The following CNBD1 variants were observed in gnomAD, a reference collection of about 807,000 sequenced individuals.
The protein encoded by CNBD1 is cyclic nucleotide binding domain containing 1, also known as cyclic nucleotide-binding domain-containing protein 1.
Under a neutral mutation model 54.4 loss-of-function variants are expected in CNBD1, and 71 were observed. That is an observed-to-expected ratio of 1.30 (90% confidence interval 1.08 to 1.59). The LOEUF (loss-of-function observed/expected upper bound fraction) is 1.59, where lower values mean the gene tolerates loss of function less well. Ranked by LOEUF, CNBD1 falls within the 40% of genes most tolerant of loss-of-function variation. The pLI, the probability that CNBD1 is intolerant of heterozygous loss-of-function variation, is 0.00. For missense variants in CNBD1, 659 were observed against 518.0 expected (o/e 1.27, Z -2.64); for synonymous variants, 182 against 170.7 (o/e 1.07, Z -0.51).
chr8:87,421,106 T>C (rs938570713), intron 2 of CNBD1, among the ~76,000 whole-genome samples: 2 of 152,042 alleles, frequency 1.3e-5, no homozygotes, highest in Non-Finnish European at 2.9e-5. Flanking sequence ...ATTTTTTCAA[T>C]ATAGTTTGGG....
chr8:86,945,930 C>T (rs562371011), intron 4 of CNBD1, among the ~76,000 whole-genome samples: 6 of 152,294 alleles, frequency 3.9e-5, no homozygotes, highest in Non-Finnish European at 8.8e-5. Context: ...TTGCAAAATG[C>T]CTGGCCTGCA....
At chr8:86,953,726 G>A (rs753455632) in intron 4 of CNBD1, among the ~76,000 whole-genome samples, 2 of 152,048 alleles carry the variant, frequency 1.3e-5, no homozygotes, top group Admixed American at 6.6e-5. Flanking sequence ...AATTAGCCAG[G>A]CATGATGGTG....
chr8:87,317,053 A>C (rs1027116013), intron 8 of CNBD1, among the ~76,000 whole-genome samples: 1 of 151,818 alleles, frequency 6.6e-6, no homozygotes, highest in Non-Finnish European at 1.5e-5. Flanking sequence ...GGGGATAATA[A>C]TGATACTTAT....
intron 2 of CNBD1, among the ~76,000 whole-genome samples, chr8:87,420,684 T>G (rs75620014): frequency 0.013 from 1,986 of 152,216 alleles, 26 homozygotes; most frequent in South Asian, 0.042. Context: ...AAATATAATG[T>G]AATAATAATG....
chr8:87,012,391 T>A (rs1258148933), intron 4 of CNBD1, among the ~76,000 whole-genome samples: 1 of 152,154 alleles, frequency 6.6e-6, no homozygotes, highest in Non-Finnish European at 1.5e-5. Flanking sequence ...CCCTATATAT[T>A]TTGACTTACT....
chr8:87,210,222 C>A (rs1318791602), intron 5 of CNBD1, among the ~76,000 whole-genome samples: 1 of 152,058 alleles, frequency 6.6e-6, no homozygotes, highest in Non-Finnish European at 1.5e-5. Context: ...GATAAGGGAG[C>A]AAAGAAATGA....
intron 4 of CNBD1, among the ~76,000 whole-genome samples, chr8:87,074,411 C>T (rs1175235343): frequency 6.6e-6 from 1 of 152,138 alleles, no homozygotes; most frequent in Non-Finnish European, 1.5e-5. Context: ...CTGGATTCTT[C>T]CCCATTCCTA....
At chr8:87,206,377 A>T (rs193088730) in intron 5 of CNBD1, among the ~76,000 whole-genome samples, 4 of 152,268 alleles carry the variant, frequency 2.6e-5, no homozygotes, top group Admixed American at 2.0e-4. Context: ...ATGACTCAGA[A>T]TTACCCAGTG....
intron 4 of CNBD1, among the ~76,000 whole-genome samples, chr8:86,950,400 A>G (rs1807588037): frequency 6.6e-6 from 1 of 152,080 alleles, no homozygotes; most frequent in African/African-American, 2.4e-5. Flanking sequence ...AATTAAAACA[A>G]TTATATGATT....
intron 4 of CNBD1, among the ~76,000 whole-genome samples, chr8:87,185,611 A>T (rs147123553): frequency 6.6e-6 from 1 of 152,168 alleles, no homozygotes; most frequent in East Asian, 1.9e-4. Context: ...GTGAATTATA[A>T]GGTTTCTACT....
chr8:87,074,657 G>A (rs897503987), intron 4 of CNBD1, among the ~76,000 whole-genome samples: 6 of 152,146 alleles, frequency 3.9e-5, no homozygotes, highest in African/African-American at 1.4e-4. Flanking sequence ...ATCACCTGCT[G>A]CTTCCCTTGG....
At chr8:86,968,285 C>T (rs1586169919) in intron 4 of CNBD1, among the ~76,000 whole-genome samples, 1 of 152,070 alleles carries the variant, frequency 6.6e-6, no homozygotes, top group African/African-American at 2.4e-5. Context: ...AAGGATTTTT[C>T]TCCTATACTC....
chr8:87,206,066 C>T lies in CNBD1; in HGVS notation c.505C>T (p.Gln169Ter), dbSNP rs756805577. ...GAAAACAATTCCAGATTTAACCTTT[C>T]AGCTAAATGATAAGCATCTGAAAAC... ...FLKTIPDLTF[Q>*]LNDKHLKTLS... The change falls in exon 5 of 11, where the codon CAG (glutamine) becomes TAG (stop). Residue 169 changes from glutamine (Q) to a stop codon, truncating the protein, a stop_gained. Coordinates refer to ENST00000518476, the MANE Select transcript of CNBD1 (RefSeq NM_173538.3). LOFTEE classifies it high-confidence loss of function. The T allele has an allele frequency of 9.3e-6, 15 of 1,605,460 alleles. No individual in the cohort carries two copies. The South Asian group carries it at 1.7e-4, about 18-fold the overall frequency.
intron 4 of CNBD1, among the ~76,000 whole-genome samples, chr8:87,151,685 C>T (rs1261209780): frequency 3.3e-5 from 5 of 152,020 alleles, no homozygotes; most frequent in Non-Finnish European, 7.4e-5. Context: ...TATTTCTATG[C>T]TATACAGGCT....
At chr8:87,217,042 T>C (rs1814227644) in intron 5 of CNBD1, among the ~76,000 whole-genome samples, 1 of 152,188 alleles carries the variant, frequency 6.6e-6, no homozygotes. Flanking sequence ...TATGTCCTTT[T>C]TATGGCACTG....
intron 4 of CNBD1, among the ~76,000 whole-genome samples, chr8:87,172,517 T>G (rs892236748): frequency 1.3e-5 from 2 of 152,084 alleles, no homozygotes; most frequent in African/African-American, 4.8e-5. Flanking sequence ...TCTCTCTCTT[T>G]AGCTCTAATA....
At chr8:87,018,956 C>A (rs1239659240) in intron 4 of CNBD1, among the ~76,000 whole-genome samples, 1 of 152,132 alleles carries the variant, frequency 6.6e-6, no homozygotes, top group African/African-American at 2.4e-5. Flanking sequence ...TCCACCCCAA[C>A]CATAAAAATT....
chr8:87,229,882 A>T (rs1814630033), intron 5 of CNBD1, among the ~76,000 whole-genome samples: 1 of 152,226 alleles, frequency 6.6e-6, no homozygotes, highest in Non-Finnish European at 1.5e-5. Flanking sequence ...TTGAGGGTCA[A>T]TTTCTGAACT....
intron 4 of CNBD1, among the ~76,000 whole-genome samples, chr8:86,994,195 C>T (rs1213841849): frequency 6.6e-6 from 1 of 152,202 alleles, no homozygotes; most frequent in Non-Finnish European, 1.5e-5. Flanking sequence ...TGGGATCAGG[C>T]CATAGCTCCA....
Sources: allele counts gnomAD v4.1 joint callset (sites outside exome capture counted in the v4.1 genomes callset), GRCh38; gene constraint gnomAD v4.1.1; transcripts MANE v1.5; gene names NCBI Gene and HGNC (gene_info 2026-07-23, HGNC 2026-07-21).